Variants in HTRA3 observed in about 807,000 individuals in gnomAD.
The protein encoded by HTRA3 is serine protease HTRA3.
HTRA3 carries 41 observed loss-of-function variants against 43.2 expected under a neutral mutation model. That is an observed-to-expected ratio of 0.95 (90% CI 0.74 to 1.23). The LOEUF (loss-of-function observed/expected upper bound fraction) is 1.23. Among genes scored for constraint, HTRA3 ranks in the 50% most tolerant of loss-of-function variants. HTRA3 has a pLI of 0.00. For missense variants in HTRA3, 628 were observed against 647.1 expected (o/e 0.97, Z 0.32); for synonymous variants, 295 against 287.9 (o/e 1.02, Z -0.25).
chr4:8,290,612 A>G (rs929186277), intron 3 of HTRA3, among the ~76,000 whole-genome samples: 2 of 152,152 alleles, frequency 1.3e-5, no homozygotes, highest in Non-Finnish European at 2.9e-5. Flanking sequence ...GCCTTCCCCA[A>G]TTTATCGTGT....
At chr4:8,301,083 C>A (rs1003138925) in intron 6 of HTRA3, among the ~76,000 whole-genome samples, 3 of 150,346 alleles carry the variant, frequency 2.0e-5, no homozygotes, top group Non-Finnish European at 4.4e-5. Flanking sequence ...ATTATTGATT[C>A]ACACCCATCT....
intron 1 of HTRA3, among the ~76,000 whole-genome samples, chr4:8,273,484 C>G (rs1712381689): frequency 6.6e-6 from 1 of 152,048 alleles, no homozygotes; most frequent in South Asian, 2.1e-4. Context: ...CTCCCACCCT[C>G]TAGGCAGGAA....
At position 8,289,268 on chromosome 4, in the gene HTRA3, C is replaced by T. The variant is rs139047143; in HGVS notation, c.709-2102C>T. Among the ~76,000 whole-genome samples the T allele has an allele frequency of 2.5e-3, 378 of 152,262 alleles. 3 individuals carry two copies. Among genetic ancestry groups the T allele is most frequent in the Non-Finnish European group, 3.1e-3 (214 of 68,024 alleles). On this transcript the variant is annotated intron_variant, in intron 3 of 8. Coordinates refer to ENST00000307358, the MANE Select transcript of HTRA3 (RefSeq NM_053044.5). The stretch of plus-strand genomic sequence containing the variant: ...CCCAGCCAACAAATTTTCCATGAAG[C>T]CAAATGGTAAATATTTTATCTTTGC...
intron 2 of HTRA3, among the ~76,000 whole-genome samples, chr4:8,283,242 T>C (rs1160983574): frequency 6.6e-6 from 1 of 152,268 alleles, no homozygotes; most frequent in African/African-American, 2.4e-5. Context: ...AGTCGGTCAA[T>C]AGGGAAGCGG....
At position 8,286,564 on chromosome 4, in the gene HTRA3, C is replaced by A; in HGVS notation, c.489C>A (p.His163Gln). The change falls in exon 3 of 9, where the codon CAC becomes CAA. Residue 163 changes from histidine (H) to glutamine (Q), a missense_variant. Coordinates refer to ENST00000307358, the MANE Select transcript of HTRA3 (RefSeq NM_053044.5). This position sits in a 1 kb window ranked among gnomAD's most constrained non-coding sequence, Gnocchi z 4.9. ...GCCTGTGTCTCCCTGGCTGCAGACA[C>A]CCGCTGTTTGGCCGCAACGTGCCCC... ...AVVHIELFLR[H>Q]PLFGRNVPLS... The A allele has an allele frequency of 6.2e-7, 1 of 1,613,512 alleles. No homozygotes were observed. Among genetic ancestry groups the A allele is most frequent in the Non-Finnish European group, 8.5e-7 (1 of 1,179,932 alleles).
chr4:8,286,847 C>A lies in HTRA3; in HGVS notation c.708+64C>A. ...CTGGGCATGGTGGCCTCTTCCCAGACGCCGGAACCCAGAGGCAAGCTAGCC... is the reference window on the plus strand; with the variant it reads ...CTGGGCATGGTGGCCTCTTCCCAGAAGCCGGAACCCAGAGGCAAGCTAGCC... On this transcript the variant is annotated intron_variant, in intron 3 of 8. Transcript: ENST00000307358. This position sits in a 1 kb window ranked among gnomAD's most constrained non-coding sequence, Gnocchi z 4.9. 2 of 1,294,338 alleles carry A rather than the reference C, an allele frequency of 1.5e-6. No individual in the cohort carries two copies. The highest frequency in any genetic ancestry group is 2.2e-6 in the Non-Finnish European group (2 of 921,082). 80.2% of individuals were successfully genotyped at this position (1,294,338 alleles called of 1,614,324 possible).
intron 7 of HTRA3, among the ~76,000 whole-genome samples, chr4:8,302,864 G>A (rs1318074812): frequency 1.3e-5 from 2 of 152,204 alleles, no homozygotes; most frequent in Non-Finnish European, 2.9e-5. Context: ...GAGGCTCCAG[G>A]GAAAGCTACT....
intron 1 of HTRA3, among the ~76,000 whole-genome samples, chr4:8,273,757 C>T (rs894564850): frequency 2.6e-5 from 4 of 151,954 alleles, no homozygotes; most frequent in Admixed American, 1.3e-4. Context: ...CTCTTCCCCT[C>T]ACTCCCCTCA....
chr4:8,294,207 G>C lies in HTRA3; in HGVS notation c.1051+6G>C. The C allele has an allele frequency of 6.3e-7, 1 of 1,597,714 alleles. No individual in the cohort carries two copies. The highest frequency in any genetic ancestry group is 1.1e-5 in the South Asian group (1 of 89,970). ...CCAAGACAAGCAGATCAAAGGTAAA[G>C]AGCTCACCTGGAGGGGGCCAGAGGC... On this transcript the variant is annotated splice_donor_region_variant and intron_variant, in intron 6 of 8. Coordinates refer to ENST00000307358, the MANE Select transcript of HTRA3 (RefSeq NM_053044.5).
chr4:8,286,815 C>G lies in HTRA3; in HGVS notation c.708+32C>G, dbSNP rs750621609. 9.1e-6 allele frequency: 14 copies of G among 1,541,706 alleles called. No individual in the cohort carries two copies. Among genetic ancestry groups the G allele is most frequent in the Non-Finnish European group, 9.8e-6 (11 of 1,121,072 alleles). On this transcript the variant is annotated intron_variant, in intron 3 of 8. Transcript: ENST00000307358. The surrounding 1 kb of genome is among the most constrained non-coding windows in gnomAD (Gnocchi z 4.9). ...GGGCGTGGGTGGAGGGGCGGAAGCA[C>G]CTGGGGCTGGGCATGGTGGCCTCTT...
Position 8,305,960 on chromosome 4 carries a change from C to T in HTRA3, c.1197-11C>T, listed in dbSNP as rs199635037. ...GGCGGTGGGTGGTGACCCCGTCTCT[C>T]CTGTTGGCAGAGGCGGCATCCAAGA... On this transcript the variant is annotated splice_polypyrimidine_tract_variant and intron_variant, in intron 8 of 8. Transcript: ENST00000307358. The T allele has an allele frequency of 1.0e-4, 165 of 1,609,356 alleles. 2 individuals are homozygous for T. In the African/African-American group the frequency reaches 1.5e-3, roughly 15 times the overall value.
At chr4:8,276,003 C>T (rs997038475) in intron 1 of HTRA3, among the ~76,000 whole-genome samples, 2 of 152,208 alleles carry the variant, frequency 1.3e-5, no homozygotes, top group Non-Finnish European at 2.9e-5. Context: ...AAATCATAGA[C>T]CGCTGTCCTT....
At position 8,294,428 on chromosome 4, in the gene HTRA3, C is replaced by A. The variant is rs540590872; in HGVS notation, c.1051+227C>A. ...CTGCCTATCATCGATTCGTGATCGGCTTCATCCCCTGCCCCTCCAAGGCTG... is the reference window on the plus strand; with the variant it reads ...CTGCCTATCATCGATTCGTGATCGGATTCATCCCCTGCCCCTCCAAGGCTG... On this transcript the variant is annotated intron_variant, in intron 6 of 8. Coordinates refer to ENST00000307358, the MANE Select transcript of HTRA3 (RefSeq NM_053044.5). Among the ~76,000 whole-genome samples the A allele has an allele frequency of 2.2e-4, 33 of 152,006 alleles. No homozygotes were observed. In the South Asian group the frequency reaches 6.0e-3, roughly 28 times the overall value.
rs1172591608 is a variant in HTRA3, at chr4:8,270,363, C to CG, written c.385+15dup. 8.6e-6 allele frequency: 12 copies of CG among 1,394,684 alleles called. No individual in the cohort carries two copies. The highest frequency in any genetic ancestry group is 1.1e-5 in the Non-Finnish European group (12 of 1,080,644). 86.4% of individuals were successfully genotyped at this position (1,394,684 alleles called of 1,614,324 possible). A position where few individuals can be genotyped will look rare whatever the true frequency, so the allele number is the denominator to read the frequency against. ...GGCGCCTGCCCGTTGGGTAAGCGCT[C>CG]GGGGGCCAGGGAGGAAGTGAAGCTT... On this transcript the variant is annotated intron_variant, in intron 1 of 8. Coordinates refer to ENST00000307358, the MANE Select transcript of HTRA3 (RefSeq NM_053044.5).
Position 8,296,073 on chromosome 4 carries a change from AT to A in HTRA3, c.1051+1874del, listed in dbSNP as rs923146053. 30 of 1,060,186 alleles carry A rather than the reference AT, an allele frequency of 2.8e-5. No individual in the cohort carries two copies. In the African/African-American group the frequency reaches 5.0e-4, roughly 18 times the overall value. 65.7% of individuals were successfully genotyped at this position (1,060,186 alleles called of 1,614,324 possible). A position where few individuals can be genotyped will look rare whatever the true frequency, so the allele number is the denominator to read the frequency against. ...CGAGTCTTTCCTGTTGAATTATCCC[AT>A]TCTCCATGGGTGCCTTTGACTTTGG... On this transcript the variant is annotated intron_variant, in intron 6 of 8. Coordinates refer to ENST00000307358, the MANE Select transcript of HTRA3 (RefSeq NM_053044.5). The surrounding 1 kb of genome is among the most constrained non-coding windows in gnomAD (Gnocchi z 5.3).
intron 3 of HTRA3, among the ~76,000 whole-genome samples, chr4:8,288,870 C>A (rs1713101277): frequency 6.7e-6 from 1 of 148,268 alleles, no homozygotes; most frequent in African/African-American, 2.5e-5. Context: ...TGCACCCCAC[C>A]CCCAAATTTT....
At chr4:8,289,336 C>A (rs1437730813) in intron 3 of HTRA3, among the ~76,000 whole-genome samples, 1 of 152,180 alleles carries the variant, frequency 6.6e-6, no homozygotes, top group Non-Finnish European at 1.5e-5. Context: ...TCTGCTGTGG[C>A]AAAAATGCAG....
Position 8,279,963 on chromosome 4 carries a change from G to A in HTRA3, c.386-2474G>A, listed in dbSNP as rs549382788. On this transcript the variant is annotated intron_variant, in intron 1 of 8. Transcript: ENST00000307358. This position sits in a 1 kb window ranked among gnomAD's most constrained non-coding sequence, Gnocchi z 7.4. ...TGGGCACACAGGAGGCACCCTGCAC[G>A]AGTGGCTTGAATAAGGCTGTGAGCA... is the stretch of plus-strand genomic sequence containing the variant. Among the ~76,000 whole-genome samples the A allele has an allele frequency of 1.9e-4, 28 of 145,324 alleles. No individual in the cohort carries two copies. Among genetic ancestry groups the A allele is most frequent in the Non-Finnish European group, 3.5e-4 (23 of 66,336 alleles).
At chr4:8,291,629 G>A (rs4696793) in intron 4 of HTRA3, 65 bp downstream of exon 4, 576,071 of 1,247,816 alleles carry the variant, frequency 0.46, 135,861 homozygotes, top group East Asian at 0.72. Context: ...ACCTCGAGGT[G>A]GTCTCTGACT....
Sources: allele counts gnomAD v4.1 joint callset (sites outside exome capture counted in the v4.1 genomes callset), GRCh38; gene constraint gnomAD v4.1.1; non-coding constraint Gnocchi (gnomAD v3.1); transcripts MANE v1.5; gene names NCBI Gene and HGNC (gene_info 2026-07-23, HGNC 2026-07-21).